Variants in AQR observed in about 807,000 individuals in gnomAD.
The protein encoded by AQR is aquarius intron-binding spliceosomal factor.
A neutral mutation model predicts 180.5 loss-of-function variants in AQR; 61 were observed. The observed-to-expected ratio is 0.34, with a 90% CI of 0.28 to 0.42. The LOEUF is 0.42. Among genes scored for constraint, AQR ranks in the 10% least tolerant of loss-of-function variants. The probability of loss-of-function intolerance (pLI) is 1.00; values close to 1 mark genes in which losing one functional copy is unlikely to be tolerated. For missense variants in AQR, 1,281 were observed against 1,798.3 expected, an observed-to-expected ratio of 0.71 and a Z score of 5.20; for synonymous variants, 551 against 588.8, an observed-to-expected ratio of 0.94 and a Z score of 0.93.
At chr15:34,913,433 C>G (rs1342285845) in intron 16 of AQR, among the ~76,000 whole-genome samples, 3 of 151,982 alleles carry the variant, frequency 2.0e-5, no homozygotes, top group African/African-American at 7.3e-5. Context: ...AAGCCTGGCC[C>G]CCTTTTAGGT....
At chr15:34,898,496 T>A (rs1308476368) in intron 20 of AQR, among the ~76,000 whole-genome samples, 1 of 152,190 alleles carries the variant, frequency 6.6e-6, no homozygotes, top group African/African-American at 2.4e-5. Context: ...GTAAACCATG[T>A]AATGGATTCT....
intron 3 of AQR, among the ~76,000 whole-genome samples, chr15:34,957,523 G>C (rs942558781): frequency 6.6e-6 from 1 of 151,244 alleles, no homozygotes; most frequent in South Asian, 2.1e-4. Context: ...CAAACGTGGA[G>C]AAACCCCGTC....
chr15:34,900,972 G>A lies in AQR; in HGVS notation c.2002-109C>T, dbSNP rs1893323983. 3 of 1,417,742 alleles carry A rather than the reference G, an allele frequency of 2.1e-6. No individual in the cohort carries two copies. The East Asian group carries it at 7.1e-5, about 33-fold the overall frequency. The allele number at this position is 1,417,742 out of a possible 1,614,324, so 87.8% of individuals were successfully genotyped here. Reference sequence around the variant, plus strand: ...TAATCCAGAATTCCCGAGTGTTTCAGAGCAAGAAGCTATTTTCCGCTGGCT... The same window carrying A: ...TAATCCAGAATTCCCGAGTGTTTCAAAGCAAGAAGCTATTTTCCGCTGGCT... On this transcript the variant is annotated intron_variant, in intron 19 of 34. Coordinates refer to ENST00000156471, the MANE Select transcript of AQR (RefSeq NM_014691.3).
intron 13 of AQR, among the ~76,000 whole-genome samples, chr15:34,925,937 G>A (rs555336320): frequency 2.6e-4 from 40 of 152,284 alleles, no homozygotes; most frequent in African/African-American, 9.4e-4. Context: ...GAGAGGCTGA[G>A]GCGGGCAGAT....
At chr15:34,863,677 T>C (rs1344733792) in intron 32 of AQR, among the ~76,000 whole-genome samples, 1 of 152,188 alleles carries the variant, frequency 6.6e-6, no homozygotes, top group Non-Finnish European at 1.5e-5. Context: ...TCAACAGTGA[T>C]AAAACGGTTA....
intron 9 of AQR, among the ~76,000 whole-genome samples, chr15:34,938,253 G>A (rs1229670357): frequency 1.3e-5 from 2 of 152,042 alleles, no homozygotes; most frequent in African/African-American, 4.8e-5. Context: ...TAACCCTTAG[G>A]CCAGGTGCAG....
chr15:34,857,765 GA>G (rs1892609569), intron 34 of AQR, among the ~76,000 whole-genome samples: 1 of 150,936 alleles, frequency 6.6e-6, no homozygotes, highest in African/African-American at 2.4e-5. Context: ...AAAAGAAAAA[GA>G]AAAGAAAAAG....
intron 34 of AQR, among the ~76,000 whole-genome samples, chr15:34,859,375 A>C (rs1338103145): frequency 6.6e-6 from 1 of 152,158 alleles, no homozygotes; most frequent in African/African-American, 2.4e-5. Context: ...GAACTGCCAA[A>C]ATTTTAAAAA....
chr15:34,902,968 A>G (rs1482099573), intron 19 of AQR, among the ~76,000 whole-genome samples: 2 of 152,280 alleles, frequency 1.3e-5, no homozygotes, highest in East Asian at 3.9e-4. Flanking sequence ...ATCATCAGTT[A>G]TGATACAGGC....
intron 29 of AQR, 153 bp from the exon 30 acceptor site, chr15:34,874,152 T>A (rs1426139780): frequency 1.5e-6 from 1 of 686,844 alleles, no homozygotes; most frequent in Non-Finnish European, 2.2e-6. Flanking sequence ...TCTTTCAACC[T>A]TAGCTTCCCT....
intron 3 of AQR, among the ~76,000 whole-genome samples, chr15:34,956,902 G>T (rs1268123802): frequency 1.3e-5 from 2 of 152,142 alleles, no homozygotes; most frequent in Admixed American, 6.5e-5. Context: ...GCTTACAGCA[G>T]AATCTGGCAC....
intron 12 of AQR, among the ~76,000 whole-genome samples, chr15:34,928,868 A>G (rs1351417645): frequency 6.6e-6 from 1 of 152,194 alleles, no homozygotes; most frequent in Non-Finnish European, 1.5e-5. Context: ...CAGAGTTTTT[A>G]ATAATTGCCA....
chr15:34,859,241 G>GAAACCTGAGCAGA (rs1892635447), intron 34 of AQR, among the ~76,000 whole-genome samples: 1 of 152,066 alleles, frequency 6.6e-6, no homozygotes. Context: ...AAATGAGCAG[G>GAAACCTGAGCAGA]AAACCTGAGC....
intron 18 of AQR, among the ~76,000 whole-genome samples, chr15:34,904,928 T>C (rs1426578604): frequency 6.6e-6 from 1 of 151,990 alleles, no homozygotes; most frequent in Non-Finnish European, 1.5e-5. Flanking sequence ...TAGTTTTCTA[T>C]TCATTAATTC....
At chr15:34,864,296 C>G (rs377138968) in intron 32 of AQR, among the ~76,000 whole-genome samples, 98 of 152,148 alleles carry the variant, frequency 6.4e-4, no homozygotes, top group African/African-American at 2.1e-3. Flanking sequence ...AGGGACAGAG[C>G]AGGGATAGGT....
In AQR at chr15:34,853,915, G is replaced by A. The variant is rs1286293021; in HGVS notation, c.*2877C>T. On this transcript the variant is annotated 3_prime_UTR_variant, in exon 35 of 35. Coordinates refer to ENST00000156471, the MANE Select transcript of AQR (RefSeq NM_014691.3). The stretch of plus-strand genomic sequence containing the variant: ...ACAACTCTGAGCCAGGTCTCGATGA[G>A]TCCAAAGTGTGTTTTATAATATCTT... 6.6e-6 allele frequency: 1 copy of A among 152,160 alleles called. No homozygotes were observed. Among genetic ancestry groups the A allele is most frequent in the Admixed American group, 6.5e-5 (1 of 15,278 alleles). The allele number at this position is 152,160 out of a possible 1,614,324, so 9.4% of individuals were successfully genotyped here.
At chr15:34,878,660 T>A (rs1892923331) in intron 27 of AQR, among the ~76,000 whole-genome samples, 1 of 152,076 alleles carries the variant, frequency 6.6e-6, no homozygotes, top group African/African-American at 2.4e-5. Context: ...TCAAAATGGG[T>A]TTAAGATGAT....
intron 28 of AQR, 96 bp from the exon 29 acceptor site, chr15:34,874,960 T>C: frequency 8.5e-7 from 1 of 1,171,152 alleles, no homozygotes; most frequent in Non-Finnish European, 1.2e-6. Context: ...AACAGCTTCC[T>C]TATCTTACAA....
intron 10 of AQR, among the ~76,000 whole-genome samples, chr15:34,934,191 T>TTTC (rs199647284): frequency 0.018 from 2,716 of 151,418 alleles, 72 homozygotes; most frequent in African/African-American, 0.057. Flanking sequence ...AAAAAGAATT[T>TTTC]TTTTCTTAAT....
Sources: gnomAD v4.1 joint callset for allele counts (sites outside exome capture counted in the v4.1 genomes callset) on GRCh38, gnomAD v4.1.1 for gene constraint, MANE v1.5 for transcripts, NCBI Gene and HGNC (gene_info 2026-07-23, HGNC 2026-07-21) for gene names.